Variants in BTBD8 observed in about 807,000 individuals in gnomAD.
The protein encoded by BTBD8 is BTB/POZ domain-containing protein 8.
Under a neutral mutation model 162.9 loss-of-function variants are expected in BTBD8, and 110 were observed. The observed-to-expected ratio is 0.68, with a 90% CI of 0.58 to 0.79. The LOEUF is 0.79. Ranked by LOEUF, BTBD8 falls within the 30% of genes least tolerant of loss-of-function variation. The pLI, the probability that BTBD8 is intolerant of heterozygous loss-of-function variation, is 0.00. For missense variants in BTBD8, 1,905 were observed against 2,085.4 expected (o/e 0.91, Z 1.68); for synonymous variants, 667 against 716.1 (o/e 0.93, Z 1.10).
At chr1:92,122,844 C>A (rs751155359) in intron 4 of BTBD8, among the ~76,000 whole-genome samples, 2 of 152,194 alleles carry the variant, frequency 1.3e-5, no homozygotes. Context: ...GGATTACAAG[C>A]GTGAGCCACC....
Position 92,181,864 on chromosome 1 carries a change from A to G in BTBD8, c.4181A>G (p.Asn1394Ser), listed in dbSNP as rs1295410279. Residue 1394 changes from asparagine to serine, a missense_variant, in exon 17 of 18, where the codon AAC (asparagine) becomes AGC (serine). Physicochemically the swap from Asn to Ser is conservative, Grantham distance 46. Coordinates refer to ENST00000636805, the MANE Select transcript of BTBD8 (RefSeq NM_001376131.1). The part of the protein sequence containing the change: ...ETEDERSEAE[N>S]VAENFSISNP... ...GAAGATGAAAGATCTGAAGCTGAAA[A>G]CGTTGCAGAAAATTTCTCTATATCT... The G allele has an allele frequency of 8.4e-6, 13 of 1,550,854 alleles. No individual in the cohort carries two copies. The highest frequency in any genetic ancestry group is 1.1e-5 in the Non-Finnish European group (13 of 1,146,886).
intron 1 of BTBD8, among the ~76,000 whole-genome samples, chr1:92,083,000 G>A (rs547922257): frequency 3.9e-5 from 6 of 152,244 alleles, no homozygotes; most frequent in African/African-American, 1.4e-4. Context: ...AAAAAGAAAT[G>A]ATGGTGGCAC....
intron 9 of BTBD8, among the ~76,000 whole-genome samples, chr1:92,159,577 C>T (rs1650239295): frequency 6.6e-6 from 1 of 152,166 alleles, no homozygotes; most frequent in Non-Finnish European, 1.5e-5. Context: ...ATTGGAACTC[C>T]TTTTAAGGCA....
chr1:92,084,231 C>A (rs1648095912), intron 1 of BTBD8, among the ~76,000 whole-genome samples: 1 of 152,176 alleles, frequency 6.6e-6, no homozygotes, highest in Admixed American at 6.5e-5. Context: ...TCATTTTCAT[C>A]TAACTCCTCT....
Position 92,182,145 on chromosome 1 carries a change from T to G in BTBD8, c.4462T>G (p.Phe1488Val). 2.6e-6 allele frequency: 4 copies of G among 1,551,252 alleles called. No homozygotes were observed. Among genetic ancestry groups the G allele is most frequent in the Non-Finnish European group, 3.5e-6 (4 of 1,146,748 alleles). The change falls in exon 17 of 18, where the codon TTC becomes GTC. Residue 1488 changes from phenylalanine to valine, a missense_variant. Phe to Val is a conservative substitution (Grantham distance 50). Coordinates refer to ENST00000636805, the MANE Select transcript of BTBD8 (RefSeq NM_001376131.1). ...EHHGRTCYSR[F>V]SRESEDNILE... ...TCATGGAAGGACCTGCTATTCCAGATTCTCACGAGAAAGTGAAGATAATAT... is the reference window on the plus strand; with the variant it reads ...TCATGGAAGGACCTGCTATTCCAGAGTCTCACGAGAAAGTGAAGATAATAT...
At chr1:92,129,036 T>G (rs1275763799) in intron 4 of BTBD8, among the ~76,000 whole-genome samples, 1 of 152,158 alleles carries the variant, frequency 6.6e-6, no homozygotes, top group Non-Finnish European at 1.5e-5. Flanking sequence ...TGTTAAAAAT[T>G]TTTAAATTTC....
chr1:92,089,176 T>G (rs1383609240), intron 2 of BTBD8, among the ~76,000 whole-genome samples: 1 of 152,102 alleles, frequency 6.6e-6, no homozygotes, highest in African/African-American at 2.4e-5. Context: ...AGGGAAATGG[T>G]GTGCTCTCCA....
chr1:92,142,505 G>A (rs1649802207), intron 7 of BTBD8, among the ~76,000 whole-genome samples: 2 of 152,202 alleles, frequency 1.3e-5, no homozygotes, highest in Non-Finnish European at 2.9e-5. Flanking sequence ...ACTTGAGTGA[G>A]GAGATTTCTA....
chr1:92,177,433 A>T lies in BTBD8; in HGVS notation c.2240A>T (p.Lys747Ile). Reference sequence around the variant, plus strand: ...TCCACTGAATGTCTGGATGAACCGAAAGAAAATGGATCAACAGAAGAAGAA... The same window carrying T: ...TCCACTGAATGTCTGGATGAACCGATAGAAAATGGATCAACAGAAGAAGAA... ...SISTECLDEP[K>I]ENGSTEEEKP... The change falls in exon 14 of 18, where the codon AAA (lysine) becomes ATA (isoleucine). Residue 747 changes from lysine to isoleucine, a missense_variant. Lys to Ile is a moderately radical substitution (Grantham distance 102, BLOSUM62 -3). Transcript: ENST00000636805. The T allele has an allele frequency of 6.4e-7, 1 of 1,551,750 alleles. No homozygotes were observed. Among genetic ancestry groups the T allele is most frequent in the South Asian group, 1.2e-5 (1 of 84,062 alleles).
At position 92,176,973 on chromosome 1, in the gene BTBD8, A is replaced by G. The variant is rs775399993; in HGVS notation, c.1780A>G (p.Asn594Asp). The change falls in exon 14 of 18, where the codon AAT (asparagine) becomes GAT (aspartate). Residue 594 changes from asparagine to aspartate, a missense_variant. Asn to Asp is a conservative substitution (Grantham distance 23, BLOSUM62 1). This residue lies in a region of BTBD8 where 1,374 missense variants were observed against 1,442.7 expected (regional missense o/e 0.95). Transcript: ENST00000636805. ...AGCATCTGGACATTCGTCAAGTACC[A>G]ATAGAAATAGTATAAATAAAACTCT... ...LGASGHSSST[N>D]RNSINKTLKQ... 1 of 1,547,838 alleles carries G rather than the reference A, an allele frequency of 6.5e-7. No individual in the cohort carries two copies. Among genetic ancestry groups the G allele is most frequent in the South Asian group, 1.2e-5 (1 of 83,476 alleles).
intron 2 of BTBD8, among the ~76,000 whole-genome samples, chr1:92,091,389 A>G (rs1014250674): frequency 6.6e-6 from 1 of 152,056 alleles, no homozygotes; most frequent in Non-Finnish European, 1.5e-5. Context: ...ACCTCTTTTC[A>G]TTATAAATTA....
In BTBD8 at chr1:92,147,674, A is replaced by G. The variant is rs1439875566; in HGVS notation, c.1020-10A>G. ...AATTTCTTTAACGTGGTATTCTTTT[A>G]TTTTAACAGGTGGATTGTAAAGCAT... On this transcript the variant is annotated splice_polypyrimidine_tract_variant and intron_variant, in intron 8 of 17. Transcript: ENST00000636805. 9 of 1,588,064 alleles carry G rather than the reference A, an allele frequency of 5.7e-6. No homozygotes were observed. The highest frequency in any genetic ancestry group is 6.9e-6 in the Non-Finnish European group (8 of 1,167,534).
intron 1 of BTBD8, among the ~76,000 whole-genome samples, chr1:92,081,227 C>G (rs112631425): frequency 6.6e-6 from 1 of 152,218 alleles, no homozygotes; most frequent in Non-Finnish European, 1.5e-5. Context: ...GGATTCCTCT[C>G]TCCACCTAGA....
intron 7 of BTBD8, 51 bp downstream of exon 7, chr1:92,141,262 T>C: frequency 6.6e-7 from 1 of 1,521,642 alleles, no homozygotes; most frequent in Non-Finnish European, 8.8e-7. Context: ...TCACCCATTA[T>C]TACCTGCTAG....
chr1:92,137,562 G>A (rs1438005997), intron 5 of BTBD8, among the ~76,000 whole-genome samples: 1 of 152,144 alleles, frequency 6.6e-6, no homozygotes, highest in Non-Finnish European at 1.5e-5. Flanking sequence ...CTTCAAGGGG[G>A]CCCAATAAAT....
chr1:92,080,709 G>A lies in BTBD8; in HGVS notation c.138G>A (p.Gln46=), dbSNP rs1647982039. Residue 46 remains glutamine, a synonymous_variant, in exon 1 of 18, where the codon CAG becomes CAA. Coordinates refer to ENST00000636805, the MANE Select transcript of BTBD8 (RefSeq NM_001376131.1). The part of the protein sequence containing the change: ...LKATVSEQLS[Q]DLLRLLREEF... ...CGACGGTGTCGGAGCAGCTCAGCCAGGATTTGCTCAGGTAGGAGGAGGCGG... is the reference window on the plus strand; with the variant it reads ...CGACGGTGTCGGAGCAGCTCAGCCAAGATTTGCTCAGGTAGGAGGAGGCGG... 1 of 1,610,942 alleles carries A rather than the reference G, an allele frequency of 6.2e-7. No individual in the cohort carries two copies. The highest frequency in any genetic ancestry group is 8.5e-7 in the Non-Finnish European group (1 of 1,178,924).
intron 4 of BTBD8, chr1:92,125,513 G>A: frequency 3.2e-6 from 1 of 314,034 alleles, no homozygotes; most frequent in Non-Finnish European, 6.3e-6. Flanking sequence ...TCTGCAGGAA[G>A]CAGGCACTTG....
At chr1:92,129,996 T>C (rs1302733294) in intron 5 of BTBD8, among the ~76,000 whole-genome samples, 2 of 152,198 alleles carry the variant, frequency 1.3e-5, no homozygotes, top group Non-Finnish European at 2.9e-5. Context: ...ATATCCAAAC[T>C]GGGTGATTTA....
rs1244522354 is a variant in BTBD8, at chr1:92,182,055, C to G, written c.4372C>G (p.Pro1458Ala). 7 of 1,551,570 alleles carry G rather than the reference C, an allele frequency of 4.5e-6. No homozygotes were observed. The highest frequency in any genetic ancestry group is 1.2e-5 in the South Asian group (1 of 84,046). Residue 1458 changes from proline (P) to alanine (A), a missense_variant, in exon 17 of 18, where the codon CCC (proline) becomes GCC (alanine). Pro to Ala is a conservative substitution (Grantham distance 27, BLOSUM62 -1). Transcript: ENST00000636805. ...ATCAGATGAAGGAGAAGTCCATACT[C>G]CCTTTCAGGCTTCTGTAGATTCTTT... ...LGSDEGEVHT[P>A]FQASVDSFSP...
Sources: allele counts gnomAD v4.1 joint callset (sites outside exome capture counted in the v4.1 genomes callset), GRCh38; gene constraint gnomAD v4.1.1; regional missense constraint gnomAD v4.1.1; transcripts MANE v1.5; gene names NCBI Gene and HGNC (gene_info 2026-07-23, HGNC 2026-07-21).